The following ROR1 variants were observed in gnomAD, a reference collection of about 807,000 sequenced individuals.
The protein encoded by ROR1 is inactive tyrosine-protein kinase transmembrane receptor ROR1.
ROR1 carries 19 observed loss-of-function variants against 78.8 expected under a neutral mutation model. The observed-to-expected ratio is 0.24, with a 90% CI of 0.17 to 0.35. ROR1 has a LOEUF of 0.35. Ranked by LOEUF, ROR1 falls within the 10% of genes least tolerant of loss-of-function variation. ROR1 has a pLI of 1.00. For missense variants in ROR1, 917 were observed against 1,177.8 expected, an observed-to-expected ratio of 0.78 and a Z score of 3.24; for synonymous variants, 386 against 433.6, an observed-to-expected ratio of 0.89 and a Z score of 1.36.
At chr1:64,052,666 CTG>C (rs1429567044) in intron 4 of ROR1, among the ~76,000 whole-genome samples, 1 of 152,296 alleles carries the variant, frequency 6.6e-6, no homozygotes, top group Admixed American at 6.5e-5. Flanking sequence ...TCACGCATCT[CTG>C]TTTTATATTA....
intron 1 of ROR1, among the ~76,000 whole-genome samples, chr1:63,889,256 T>C (rs1645378261): frequency 6.6e-6 from 1 of 152,100 alleles, no homozygotes; most frequent in South Asian, 2.1e-4. Context: ...ATACTATTAG[T>C]CATAGAGTTT....
chr1:64,163,200 A>G (rs1649992132), intron 8 of ROR1, among the ~76,000 whole-genome samples: 1 of 149,420 alleles, frequency 6.7e-6, no homozygotes, highest in Non-Finnish European at 1.5e-5. Flanking sequence ...CCTGGGCAAC[A>G]TGGGGAAACC....
At chr1:64,169,118 A>G (rs1650168295) in intron 8 of ROR1, among the ~76,000 whole-genome samples, 1 of 152,262 alleles carries the variant, frequency 6.6e-6, no homozygotes, top group African/African-American at 2.4e-5. Flanking sequence ...CCAATCTCAG[A>G]GAAAACTGTG....
intron 4 of ROR1, among the ~76,000 whole-genome samples, chr1:64,125,815 A>G (rs1208382330): frequency 6.6e-6 from 1 of 152,200 alleles, no homozygotes; most frequent in Non-Finnish European, 1.5e-5. Context: ...CTGTGTAGCC[A>G]TAGCAGAGAA....
At chr1:63,823,155 A>G (rs1288228905) in intron 1 of ROR1, among the ~76,000 whole-genome samples, 1 of 152,106 alleles carries the variant, frequency 6.6e-6, no homozygotes, top group Non-Finnish European at 1.5e-5. Context: ...TTCTTTTGCA[A>G]GTTACTGGTT....
chr1:63,913,621 T>C lies in ROR1; in HGVS notation c.92-95684T>C, dbSNP rs1342777219. On this transcript the variant is annotated intron_variant, in intron 1 of 8. Coordinates refer to ENST00000371079, the MANE Select transcript of ROR1 (RefSeq NM_005012.4). ...CAGGCTTATTTTGGACTGAAAGGCA[T>C]TCCCTTGCCTGTCCCACGGCCTCCC... is the stretch of plus-strand genomic sequence containing the variant. 2.6e-5 allele frequency among the ~76,000 whole-genome samples: 4 copies of C among 152,308 alleles called. No homozygotes were observed. In the East Asian group the frequency reaches 7.7e-4, roughly 29 times the overall value.
intron 2 of ROR1, among the ~76,000 whole-genome samples, chr1:64,027,853 A>G (rs1646626941): frequency 6.6e-6 from 1 of 151,862 alleles, no homozygotes; most frequent in Non-Finnish European, 1.5e-5. Flanking sequence ...ACATCCAGCT[A>G]ATTTTTGTAT....
At chr1:63,990,930 A>C (rs77303157) in intron 1 of ROR1, among the ~76,000 whole-genome samples, 4,343 of 152,246 alleles carry the variant, frequency 0.029, 62 homozygotes, top group African/African-American at 0.035. Context: ...TATAAATGAA[A>C]AACTCTGTCT....
intron 4 of ROR1, among the ~76,000 whole-genome samples, chr1:64,114,239 A>G (rs905992242): frequency 2.6e-5 from 4 of 152,228 alleles, no homozygotes; most frequent in Admixed American, 6.5e-5. Context: ...AACGTGCAAC[A>G]TGACTGACAT....
chr1:64,121,020 A>G (rs868544078), intron 4 of ROR1, among the ~76,000 whole-genome samples: 2 of 119,900 alleles, frequency 1.7e-5, no homozygotes, highest in Non-Finnish European at 3.3e-5. Flanking sequence ...CTTCTTCAGC[A>G]TTTCTCTTCA....
chr1:63,991,094 T>C, intron 1 of ROR1, among the ~76,000 whole-genome samples: 1 of 83,500 alleles, frequency 1.2e-5, no homozygotes, highest in African/African-American at 2.7e-5. Flanking sequence ...TTTTTGTTTG[T>C]TTGTTTTTTG....
chr1:64,002,755 A>G (rs1038466951), intron 1 of ROR1, among the ~76,000 whole-genome samples: 1 of 152,120 alleles, frequency 6.6e-6, no homozygotes, highest in Non-Finnish European at 1.5e-5. Flanking sequence ...TCCTCTCCTC[A>G]CCTTGTGCTG....
At chr1:63,968,772 C>T (rs980608860) in intron 1 of ROR1, among the ~76,000 whole-genome samples, 65 of 152,082 alleles carry the variant, frequency 4.3e-4, no homozygotes, top group Admixed American at 3.3e-4. Flanking sequence ...CGGTTAAAGG[C>T]GGAAAGAGAA....
chr1:63,843,081 C>T (rs1407896200), intron 1 of ROR1: 2 of 530,344 alleles, frequency 3.8e-6, no homozygotes, highest in Admixed American at 3.1e-5. Flanking sequence ...TTGCCCTCCC[C>T]CTGCTGGGAT....
At chr1:63,931,003 G>A (rs956977010) in intron 1 of ROR1, among the ~76,000 whole-genome samples, 1 of 152,184 alleles carries the variant, frequency 6.6e-6, no homozygotes, top group East Asian at 1.9e-4. Flanking sequence ...AAGGCCGGAT[G>A]CAGTGGCTCA....
intron 1 of ROR1, among the ~76,000 whole-genome samples, chr1:63,945,904 C>T (rs921814502): frequency 6.6e-6 from 1 of 152,184 alleles, no homozygotes; most frequent in East Asian, 1.9e-4. Flanking sequence ...AATTTTAGTC[C>T]CTCTACTTTG....
At chr1:63,863,336 A>G (rs1189028642) in intron 1 of ROR1, among the ~76,000 whole-genome samples, 1 of 152,192 alleles carries the variant, frequency 6.6e-6, no homozygotes, top group Non-Finnish European at 1.5e-5. Flanking sequence ...GGGGCTGTCA[A>G]GTCTAGTGAA....
At chr1:63,906,323 G>A (rs1426813265) in intron 1 of ROR1, among the ~76,000 whole-genome samples, 2 of 152,162 alleles carry the variant, frequency 1.3e-5, no homozygotes, top group East Asian at 3.9e-4. Context: ...TAGAAAGCAA[G>A]GATCATTTTG....
At chr1:64,006,122 A>G (rs929585951) in intron 1 of ROR1, among the ~76,000 whole-genome samples, 1 of 152,262 alleles carries the variant, frequency 6.6e-6, no homozygotes, top group Non-Finnish European at 1.5e-5. Flanking sequence ...ACCAAGTGAC[A>G]TATAGCTAAC....
Sources: gnomAD v4.1 joint callset for allele counts (sites outside exome capture counted in the v4.1 genomes callset) on GRCh38, gnomAD v4.1.1 for gene constraint, MANE v1.5 for transcripts, NCBI Gene and HGNC (gene_info 2026-07-23, HGNC 2026-07-21) for gene names.